Variants in ZNF804B observed in about 807,000 individuals in gnomAD.
ZNF804B encodes zinc finger 804B.
In ZNF804B, 80 loss-of-function variants were observed where a neutral mutation model predicts 101.4. That is an observed-to-expected ratio of 0.79 (90% CI 0.66 to 0.95). The LOEUF (loss-of-function observed/expected upper bound fraction) is 0.95. Among genes scored for constraint, ZNF804B ranks in the 40% least tolerant of loss-of-function variants. The pLI, the probability that ZNF804B is intolerant of heterozygous loss-of-function variation, is 0.00. For missense variants in ZNF804B, 1,673 were observed against 1,561.9 expected, an observed-to-expected ratio of 1.07 and a Z score of -1.20; for synonymous variants, 622 against 558.8, an observed-to-expected ratio of 1.11 and a Z score of -1.59.
chr7:89,327,188 G>C (rs952436944), intron 2 of ZNF804B, among the ~76,000 whole-genome samples, 156 bp from the exon 3 acceptor site: 1 of 150,626 alleles, frequency 6.6e-6, no homozygotes, highest in African/African-American at 2.5e-5. Flanking sequence ...AATGTGTCTT[G>C]GAGCAGAGAA....
chr7:89,334,519 G>A lies in ZNF804B; in HGVS notation c.1537G>A (p.Glu513Lys). 6.2e-7 allele frequency: 1 copy of A among 1,613,688 alleles called. No individual in the cohort carries two copies. The highest frequency in any genetic ancestry group is 8.5e-7 in the Non-Finnish European group (1 of 1,179,820). The change falls in exon 4 of 4, where the codon GAG becomes AAG. Residue 513 changes from glutamate (E) to lysine (K), a missense_variant. Coordinates refer to ENST00000333190, the MANE Select transcript of ZNF804B (RefSeq NM_181646.5). ...GCCCTTGGAATTGAAGACTAAAAGA[G>A]AGAGCCAAGTCTCAGGTTTAACTGA... ...KKPLELKTKR[E>K]SQVSGLTEDQ...
At chr7:89,100,234 T>C (rs879149502) in intron 1 of ZNF804B, among the ~76,000 whole-genome samples, 1 of 152,080 alleles carries the variant, frequency 6.6e-6, no homozygotes, top group Non-Finnish European at 1.5e-5. Context: ...CTTCAATAAA[T>C]AGTGCTGGGA....
chr7:89,220,155 A>ACACACATATATGTGCG (rs59752530), intron 2 of ZNF804B, among the ~76,000 whole-genome samples: 1 of 93,046 alleles, frequency 1.1e-5, no homozygotes, highest in African/African-American at 4.7e-5. Flanking sequence ...ATATACATAT[A>ACACACATATATGTGCG]TATATACGCA....
chr7:88,865,241 A>AAAAAAATAG (rs1180340469), intron 1 of ZNF804B, among the ~76,000 whole-genome samples: 15 of 151,644 alleles, frequency 9.9e-5, no homozygotes, highest in African/African-American at 2.4e-5. Flanking sequence ...AAAAAAAAAA[A>AAAAAAATAG]AAAAAATAGA....
chr7:89,089,708 G>T (rs1200258961), intron 1 of ZNF804B, among the ~76,000 whole-genome samples: 3 of 151,918 alleles, frequency 2.0e-5, no homozygotes, highest in African/African-American at 7.2e-5. Context: ...TTATTTTTAA[G>T]TCAAAGTTAT....
intron 2 of ZNF804B, among the ~76,000 whole-genome samples, chr7:89,286,508 G>A (rs1249397006): frequency 6.6e-6 from 1 of 152,216 alleles, no homozygotes; most frequent in Non-Finnish European, 1.5e-5. Flanking sequence ...AGCCAGTCAA[G>A]AAATGACAAA....
At chr7:88,925,953 G>T (rs1289515418) in intron 1 of ZNF804B, among the ~76,000 whole-genome samples, 1 of 152,136 alleles carries the variant, frequency 6.6e-6, no homozygotes, top group Non-Finnish European at 1.5e-5. Context: ...AAAGTAGAAG[G>T]CTTGGGGAAG....
At chr7:89,304,006 G>A (rs13239763) in intron 2 of ZNF804B, among the ~76,000 whole-genome samples, 12,509 of 151,848 alleles carry the variant, frequency 0.082, 1,767 homozygotes, top group East Asian at 0.69. Flanking sequence ...CTTTAGACAG[G>A]TTTATTCCGG....
intron 2 of ZNF804B, among the ~76,000 whole-genome samples, chr7:89,321,141 T>C (rs1790813091): frequency 6.6e-6 from 1 of 151,898 alleles, no homozygotes; most frequent in Non-Finnish European, 1.5e-5. Context: ...ACATTAATAT[T>C]ATTTTAAATG....
At position 89,021,788 on chromosome 7, in the gene ZNF804B, G is replaced by C. The variant is rs560213380; in HGVS notation, c.109-196367G>C. ...ACAGCCCCAGTGCTGGGGAGGTAAA[G>C]TGGCTACTGGCTCCCAGAGCATAGT... On this transcript the variant is annotated intron_variant, in intron 1 of 3. Transcript: ENST00000333190. Among the ~76,000 whole-genome samples the C allele has an allele frequency of 9.1e-4, 139 of 152,290 alleles. 1 individual carries two copies. Among genetic ancestry groups the C allele is most frequent in the Non-Finnish European group, 1.6e-3 (108 of 68,018 alleles).
intron 2 of ZNF804B, among the ~76,000 whole-genome samples, chr7:89,324,353 G>A (rs1025880405): frequency 1.3e-5 from 2 of 151,614 alleles, no homozygotes; most frequent in African/African-American, 4.8e-5. Flanking sequence ...GGCCCCCCTA[G>A]CTTTCTTTTG....
intron 1 of ZNF804B, among the ~76,000 whole-genome samples, chr7:88,954,991 C>T (rs988332502): frequency 1.3e-4 from 20 of 150,808 alleles, no homozygotes; most frequent in East Asian, 2.0e-4. Flanking sequence ...TGGGCAGTTG[C>T]GGCTCACGGT....
chr7:89,326,907 C>T (rs879644954), intron 2 of ZNF804B, among the ~76,000 whole-genome samples: 2 of 150,828 alleles, frequency 1.3e-5, no homozygotes, highest in Non-Finnish European at 2.9e-5. Context: ...AACAGATGCT[C>T]TTTCCTGAAA....
intron 2 of ZNF804B, among the ~76,000 whole-genome samples, chr7:89,275,932 G>A (rs184286840): frequency 3.3e-5 from 5 of 151,694 alleles, no homozygotes; most frequent in Admixed American, 2.0e-4. Flanking sequence ...ACGCCCATCA[G>A]TGATAGACTA....
chr7:89,318,761 C>T (rs557308357), intron 2 of ZNF804B, among the ~76,000 whole-genome samples: 5 of 152,224 alleles, frequency 3.3e-5, no homozygotes, highest in Non-Finnish European at 4.4e-5. Context: ...GACTCCATTG[C>T]TGAGACCAGC....
Position 88,998,548 on chromosome 7 carries a change from C to T in ZNF804B, c.109-219607C>T, listed in dbSNP as rs140281079. Among the ~76,000 whole-genome samples the T allele has an allele frequency of 3.2e-3, 482 of 152,130 alleles. 3 individuals are homozygous for T. The highest frequency in any genetic ancestry group is 5.2e-3 in the Non-Finnish European group (353 of 67,990). On this transcript the variant is annotated intron_variant, in intron 1 of 3. Coordinates refer to ENST00000333190, the MANE Select transcript of ZNF804B (RefSeq NM_181646.5). ...AAATTTACCTGATCATAAGAAGTAT[C>T]TTACCAACGTGTTAAGATGTAGATT...
At chr7:89,216,838 T>G (rs558442457) in intron 1 of ZNF804B, among the ~76,000 whole-genome samples, 1 of 152,212 alleles carries the variant, frequency 6.6e-6, no homozygotes, top group East Asian at 1.9e-4. Context: ...CTATTGAGGG[T>G]AGTCGTTTTG....
At chr7:88,888,384 T>C (rs1792165371) in intron 1 of ZNF804B, among the ~76,000 whole-genome samples, 1 of 151,816 alleles carries the variant, frequency 6.6e-6, no homozygotes, top group African/African-American at 2.4e-5. Context: ...AGAGGGAGAG[T>C]CTGCCTCAAA....
At chr7:89,082,182 C>T (rs1009836803) in intron 1 of ZNF804B, among the ~76,000 whole-genome samples, 13 of 151,582 alleles carry the variant, frequency 8.6e-5, no homozygotes, top group African/African-American at 1.7e-4. Flanking sequence ...AATAATATTA[C>T]GCTGATGAAA....
Sources: gnomAD v4.1 joint callset for allele counts (sites outside exome capture counted in the v4.1 genomes callset) on GRCh38, gnomAD v4.1.1 for gene constraint, MANE v1.5 for transcripts, NCBI Gene and HGNC (gene_info 2026-07-23, HGNC 2026-07-21) for gene names.